The following ATF7IP2 variants were observed in gnomAD, a reference collection of about 807,000 sequenced individuals.
ATF7IP2 encodes the protein activating transcription factor 7 interacting protein 2.
In ATF7IP2, 42 loss-of-function variants were observed where a neutral mutation model predicts 64.2. The observed-to-expected ratio is 0.65, with a 90% CI of 0.51 to 0.85. The LOEUF (loss-of-function observed/expected upper bound fraction) is 0.85. ATF7IP2 is among the 40% of genes least tolerant of loss of function. ATF7IP2 has a pLI of 0.00. For synonymous variants in ATF7IP2, 308 were observed against 272.8 expected (o/e 1.13, Z -1.27); for missense variants, 933 against 784.2 (o/e 1.19, Z -2.27).
chr16:10,463,281 A>G (rs1369057369), intron 9 of ATF7IP2, among the ~76,000 whole-genome samples: 2 of 152,256 alleles, frequency 1.3e-5, no homozygotes, highest in East Asian at 3.8e-4. Context: ...AGCAGCAGAG[A>G]GACACAGCAC....
At chr16:10,406,190 C>T (rs1042686872) in intron 1 of ATF7IP2, among the ~76,000 whole-genome samples, 3 of 151,970 alleles carry the variant, frequency 2.0e-5, no homozygotes, top group Non-Finnish European at 4.4e-5. Context: ...ACCACAGCCT[C>T]GACCTCCACA....
chr16:10,439,997 C>G (rs1035990837), intron 7 of ATF7IP2, among the ~76,000 whole-genome samples: 2 of 151,708 alleles, frequency 1.3e-5, no homozygotes, highest in African/African-American at 2.4e-5. Context: ...CCCGTCACTA[C>G]TAAAAATACA....
chr16:10,415,919 A>C (rs1250447116), intron 2 of ATF7IP2, among the ~76,000 whole-genome samples: 2 of 152,224 alleles, frequency 1.3e-5, no homozygotes, highest in Admixed American at 1.3e-4. Context: ...CACCTCATTT[A>C]AAATAGCTCT....
In ATF7IP2 at chr16:10,481,018, T is replaced by C; in HGVS notation, c.1635+54T>C. On this transcript the variant is annotated intron_variant, in intron 13 of 13. Coordinates refer to ENST00000562102, the MANE Select transcript of ATF7IP2 (RefSeq NM_001393719.1). ...TATTTATTCCAAATTGAGTGGGAAG[T>C]AGCTATGTTACTCTTGAAGAAACAT... 4 of 1,308,192 alleles carry C rather than the reference T, an allele frequency of 3.1e-6. 1 individual carries two copies. The Admixed American group carries it at 5.1e-5, about 17-fold the overall frequency. 81.0% of individuals were successfully genotyped at this position (1,308,192 alleles called of 1,614,324 possible).
At chr16:10,426,728 T>G (rs925315759) in intron 3 of ATF7IP2, among the ~76,000 whole-genome samples, 1 of 152,162 alleles carries the variant, frequency 6.6e-6, no homozygotes, top group African/African-American at 2.4e-5. Flanking sequence ...GATCAAACTT[T>G]AACCATAAAA....
At chr16:10,465,095 G>A (rs531000881) in intron 9 of ATF7IP2, among the ~76,000 whole-genome samples, 2 of 152,268 alleles carry the variant, frequency 1.3e-5, no homozygotes, top group East Asian at 3.9e-4. Flanking sequence ...CTCCCAAAGT[G>A]GTGGAATTAC....
At position 10,431,153 on chromosome 16, in the gene ATF7IP2, T is replaced by C; in HGVS notation, c.533T>C (p.Val178Ala). ...CCPPSVLSGV[V>A]QMPESTVTST... ...CCACCCAGTGTATTGAGTGGTGTTG[T>C]TCAGATGCCAGAGTCTACAGTAACC... The change falls in exon 5 of 14, where the codon GTT (valine) becomes GCT (alanine). Residue 178 changes from valine (V) to alanine (A), a missense_variant. Coordinates refer to ENST00000562102, the MANE Select transcript of ATF7IP2 (RefSeq NM_001393719.1). 1.2e-6 allele frequency: 2 copies of C among 1,614,154 alleles called. No individual in the cohort carries two copies. The highest frequency in any genetic ancestry group is 1.7e-6 in the Non-Finnish European group (2 of 1,179,990).
chr16:10,411,000 A>ATGTGG (rs60217424), intron 1 of ATF7IP2, among the ~76,000 whole-genome samples: 6,418 of 152,134 alleles, frequency 0.042, 469 homozygotes, highest in African/African-American at 0.15. Flanking sequence ...AATTCTTGTT[A>ATGTGG]TGTGGTGTAT....
intron 9 of ATF7IP2, among the ~76,000 whole-genome samples, chr16:10,458,971 A>AG (rs1410914019): frequency 6.6e-6 from 1 of 151,290 alleles, no homozygotes. Context: ...GGATCACTTG[A>AG]GGTCAGGAGT....
At chr16:10,457,214 G>A (rs886361812) in intron 8 of ATF7IP2, 158 bp from the exon 9 acceptor site, 1 of 588,434 alleles carries the variant, frequency 1.7e-6, no homozygotes, top group African/African-American at 2.0e-5. Flanking sequence ...CATTTTGGCA[G>A]GCAAATCACA....
chr16:10,416,857 G>T (rs1467259762), intron 2 of ATF7IP2, among the ~76,000 whole-genome samples: 1 of 152,096 alleles, frequency 6.6e-6, no homozygotes, highest in Non-Finnish European at 1.5e-5. Flanking sequence ...TGCACAACTG[G>T]GTGACTATAG....
chr16:10,473,192 G>T (rs953236063), intron 10 of ATF7IP2, among the ~76,000 whole-genome samples: 1 of 152,120 alleles, frequency 6.6e-6, no homozygotes, highest in Non-Finnish European at 1.5e-5. Flanking sequence ...AAAAGTGTGT[G>T]CATTTCCAGG....
intron 9 of ATF7IP2, among the ~76,000 whole-genome samples, chr16:10,469,143 T>A (rs972186589): frequency 6.6e-6 from 1 of 152,100 alleles, no homozygotes; most frequent in Non-Finnish European, 1.5e-5. Flanking sequence ...GCAAAAAATA[T>A]GACCTATCAA....
intron 1 of ATF7IP2, among the ~76,000 whole-genome samples, chr16:10,389,085 G>GTGAT (rs569395841): frequency 3.5e-4 from 53 of 152,112 alleles, no homozygotes; most frequent in Non-Finnish European, 6.6e-4. Flanking sequence ...TTTTGAGGAG[G>GTGAT]TGATCTTTAA....
intron 6 of ATF7IP2, among the ~76,000 whole-genome samples, chr16:10,434,275 G>A (rs113145657): frequency 2.6e-5 from 4 of 152,242 alleles, no homozygotes; most frequent in African/African-American, 4.8e-5. Context: ...TGTATGTAGC[G>A]TGTTTCAGTT....
chr16:10,434,372 T>C (rs2048350529), intron 6 of ATF7IP2, among the ~76,000 whole-genome samples: 1 of 152,170 alleles, frequency 6.6e-6, no homozygotes, highest in African/African-American at 2.4e-5. Flanking sequence ...TACAAATCAT[T>C]ACCTAGTAGA....
At chr16:10,409,114 C>T (rs775290853) in intron 1 of ATF7IP2, among the ~76,000 whole-genome samples, 3 of 151,982 alleles carry the variant, frequency 2.0e-5, no homozygotes, top group East Asian at 1.9e-4. Context: ...CTCCCATGGG[C>T]GGGGGGTAGG....
rs896068909 is a variant in ATF7IP2 at position 10,422,668 on chromosome 16, C to A, written c.-160+3045C>A. On this transcript the variant is annotated intron_variant, in intron 3 of 13. Transcript: ENST00000562102. ...AATGAAATGTCTGTTCCTGTATCTA[C>A]CAAACTTTTAAATTTCTTTCCCTGA... Among the ~76,000 whole-genome samples, 97 of 138,564 alleles carry A rather than the reference C, an allele frequency of 7.0e-4. 1 individual carries two copies. Among genetic ancestry groups the A allele is most frequent in the African/African-American group, 2.5e-3 (87 of 35,418 alleles). The allele number at this position is 138,564 out of a possible 152,430, so 90.9% of individuals were successfully genotyped here. A position where few individuals can be genotyped will look rare whatever the true frequency, so the allele number is the denominator to read the frequency against.
intron 1 of ATF7IP2, among the ~76,000 whole-genome samples, chr16:10,402,320 C>T (rs1203271184): frequency 6.6e-6 from 1 of 151,942 alleles, no homozygotes; most frequent in Non-Finnish European, 1.5e-5. Flanking sequence ...TACCCATATT[C>T]ATTTTTACAA....
Sources: gnomAD v4.1 joint callset for allele counts (sites outside exome capture counted in the v4.1 genomes callset) on GRCh38, gnomAD v4.1.1 for gene constraint, MANE v1.5 for transcripts, NCBI Gene and HGNC (gene_info 2026-07-23, HGNC 2026-07-21) for gene names.